The following NRP1 variants were observed in gnomAD, a reference collection of about 807,000 sequenced individuals.
NRP1 encodes neuropilin 1, also known as neuropilin-1.
In NRP1, 35 loss-of-function variants were observed where a neutral mutation model predicts 106.7. That is an observed-to-expected ratio of 0.33 (90% CI 0.25 to 0.43). NRP1 has a LOEUF of 0.43. Ranked by LOEUF, NRP1 falls within the 20% of genes least tolerant of loss-of-function variation. NRP1 has a pLI of 1.00. For synonymous variants in NRP1, 437 were observed against 417.9 expected, an observed-to-expected ratio of 1.05 and a Z score of -0.56; for missense variants, 1,024 against 1,170.4, an observed-to-expected ratio of 0.87 and a Z score of 1.83.
chr10:33,210,700 GGGGTA>G (rs1471880159), intron 9 of NRP1, among the ~76,000 whole-genome samples: 4 of 152,130 alleles, frequency 2.6e-5, no homozygotes, highest in Non-Finnish European at 5.9e-5. Flanking sequence ...CACTATTTTT[GGGGTA>G]GAGAGTGAGG....
chr10:33,235,491 A>G (rs541166598), intron 6 of NRP1, among the ~76,000 whole-genome samples: 2 of 152,396 alleles, frequency 1.3e-5, no homozygotes, highest in African/African-American at 2.4e-5. Flanking sequence ...AAGCCACCAG[A>G]AAACGCTCAG....
chr10:33,292,092 TG>T (rs1326908335), intron 2 of NRP1, among the ~76,000 whole-genome samples: 1 of 152,138 alleles, frequency 6.6e-6, no homozygotes, highest in Non-Finnish European at 1.5e-5. Context: ...GACAGGGTTT[TG>T]CCATGTTGTC....
intron 2 of NRP1, among the ~76,000 whole-genome samples, chr10:33,298,342 A>G (rs968749719): frequency 2.0e-5 from 3 of 152,148 alleles, no homozygotes; most frequent in Admixed American, 2.0e-4. Flanking sequence ...ACACACAGAC[A>G]GCTCTCACCC....
At chr10:33,225,649 C>A (rs982923298) in intron 7 of NRP1, among the ~76,000 whole-genome samples, 12 of 152,188 alleles carry the variant, frequency 7.9e-5, no homozygotes, top group Admixed American at 7.9e-4. Context: ...AATGAAATAC[C>A]TTTGGTTCCA....
intron 13 of NRP1, among the ~76,000 whole-genome samples, chr10:33,189,040 C>T (rs576739279): frequency 5.2e-4 from 79 of 151,390 alleles, no homozygotes; most frequent in African/African-American, 1.8e-3. Flanking sequence ...CGCTGGCAGC[C>T]CCTCCAATGG....
chr10:33,263,211 C>T (rs1214666438), intron 4 of NRP1, among the ~76,000 whole-genome samples: 1 of 152,168 alleles, frequency 6.6e-6, no homozygotes, highest in Non-Finnish European at 1.5e-5. Flanking sequence ...TTATTAAGTA[C>T]TCAACCTCTC....
At chr10:33,207,469 AG>A (rs1476612389) in intron 10 of NRP1, 102 bp downstream of exon 10, 60 of 1,317,174 alleles carry the variant, frequency 4.6e-5, no homozygotes, top group Non-Finnish European at 2.5e-5. Context: ...GGGCCTCCCA[AG>A]GGAAAAGGGT....
chr10:33,245,526 G>A (rs1564418144), intron 6 of NRP1, among the ~76,000 whole-genome samples: 1 of 152,190 alleles, frequency 6.6e-6, no homozygotes, highest in Non-Finnish European at 1.5e-5. Flanking sequence ...GGCGTCATTT[G>A]CCAGTCAGCA....
chr10:33,218,423 G>A (rs1161966800), intron 8 of NRP1, among the ~76,000 whole-genome samples: 1 of 150,500 alleles, frequency 6.6e-6, no homozygotes, highest in Non-Finnish European at 1.5e-5. Context: ...TCGGCTCACT[G>A]CAAGCTCTGC....
chr10:33,302,070 G>T lies in NRP1; in HGVS notation c.248+28638C>A, dbSNP rs574890356. The stretch of plus-strand genomic sequence containing the variant: ...GATTTTCCTCCAAATAGACTACTTA[G>T]TACAGAGTCTCTGTATAATAAAAAA... On this transcript the variant is annotated intron_variant, in intron 2 of 16. Coordinates refer to ENST00000374867, the MANE Select transcript of NRP1 (RefSeq NM_003873.7). Among the ~76,000 whole-genome samples the T allele has an allele frequency of 7.8e-4, 118 of 152,250 alleles. 1 individual carries two copies. The South Asian group carries it at 0.024, about 31-fold the overall frequency.
chr10:33,186,194 C>T (rs1355006922), intron 14 of NRP1, 23 bp downstream of exon 14: 2 of 1,559,610 alleles, frequency 1.3e-6, no homozygotes, highest in Non-Finnish European at 8.7e-7. Flanking sequence ...ACTGCCCTCC[C>T]CAGCCTTGGG....
intron 2 of NRP1, among the ~76,000 whole-genome samples, chr10:33,299,043 G>A (rs552999038): frequency 9.4e-4 from 143 of 152,236 alleles, no homozygotes; most frequent in African/African-American, 3.2e-3. Flanking sequence ...ACCCCACAAG[G>A]TAGGCACTAT....
chr10:33,318,314 A>T (rs1431849989), intron 2 of NRP1, among the ~76,000 whole-genome samples: 1 of 152,122 alleles, frequency 6.6e-6, no homozygotes, highest in Non-Finnish European at 1.5e-5. Flanking sequence ...AGCCCATATG[A>T]CCCATCTCCT....
At chr10:33,309,111 G>C (rs139533980) in intron 2 of NRP1, among the ~76,000 whole-genome samples, 173 of 152,180 alleles carry the variant, frequency 1.1e-3, no homozygotes, top group African/African-American at 4.0e-3. Flanking sequence ...TCTTTTCATA[G>C]ATGGAGCAGA....
chr10:33,282,222 G>T (rs1377332448), intron 2 of NRP1, among the ~76,000 whole-genome samples: 1 of 151,926 alleles, frequency 6.6e-6, no homozygotes, highest in African/African-American at 2.4e-5. Flanking sequence ...CTATTAGCGT[G>T]CAGCACTGAA....
intron 4 of NRP1, among the ~76,000 whole-genome samples, chr10:33,262,707 A>T (rs1842658137): frequency 6.7e-6 from 1 of 150,192 alleles, no homozygotes; most frequent in African/African-American, 2.5e-5. Context: ...CTGTCTCAAA[A>T]AAAAAAAAAA....
At chr10:33,249,401 G>A (rs755743873) in intron 6 of NRP1, 2 of 499,382 alleles carry the variant, frequency 4.0e-6, no homozygotes, top group Admixed American at 2.2e-5. Flanking sequence ...CAGATTGAGA[G>A]AGCCTGAATG....
In NRP1 at chr10:33,212,923, G is replaced by A. The variant is rs141048369; in HGVS notation, c.1614+463C>T. 842 of 329,294 alleles carry A rather than the reference G, an allele frequency of 2.6e-3. 3 individuals are homozygous for A. Among genetic ancestry groups the A allele is most frequent in the African/African-American group, 0.014 (665 of 48,204 alleles). The allele number at this position is 329,294 out of a possible 1,614,324, so 20.4% of individuals were successfully genotyped here. A position where few individuals can be genotyped will look rare whatever the true frequency, so the allele number is the denominator to read the frequency against. Reference sequence around the variant, plus strand: ...TGAGCTCAGACAATCCGCCCGACTCGGCATCCCAAAGTGCTGGGATTACAG... The same window carrying A: ...TGAGCTCAGACAATCCGCCCGACTCAGCATCCCAAAGTGCTGGGATTACAG... On this transcript the variant is annotated intron_variant, in intron 9 of 16. Coordinates refer to ENST00000374867, the MANE Select transcript of NRP1 (RefSeq NM_003873.7).
intron 2 of NRP1, among the ~76,000 whole-genome samples, chr10:33,297,686 CAAAAA>C (rs10711145): frequency 2.1e-5 from 2 of 95,962 alleles, no homozygotes; most frequent in Admixed American, 1.2e-4. Flanking sequence ...GACTTTGTCT[CAAAAA>C]AAAAAAAAAA....
Sources: allele counts gnomAD v4.1 joint callset (sites outside exome capture counted in the v4.1 genomes callset), GRCh38; gene constraint gnomAD v4.1.1; transcripts MANE v1.5; gene names NCBI Gene and HGNC (gene_info 2026-07-23, HGNC 2026-07-21).